The following TMEM132C variants were observed in gnomAD, a reference collection of about 807,000 sequenced individuals.
TMEM132C encodes transmembrane protein 132C, also known as protein phosphatase 1, regulatory subunit 152.
TMEM132C carries 29 observed loss-of-function variants against 61.4 expected under a neutral mutation model. The observed-to-expected ratio is 0.47, with a 90% CI of 0.35 to 0.64. TMEM132C has a LOEUF of 0.64. Ranked by LOEUF, TMEM132C falls within the 30% of genes least tolerant of loss-of-function variation. The probability of loss-of-function intolerance (pLI) is 0.00; values close to 1 mark genes in which losing one functional copy is unlikely to be tolerated. For synonymous variants in TMEM132C, 656 were observed against 633.1 expected, an observed-to-expected ratio of 1.04 and a Z score of -0.54; for missense variants, 1,408 against 1,476.9, an observed-to-expected ratio of 0.95 and a Z score of 0.76.
chr12:128,628,307 G>T (rs776898701), intron 4 of TMEM132C, among the ~76,000 whole-genome samples: 1 of 152,092 alleles, frequency 6.6e-6, no homozygotes, highest in East Asian at 1.9e-4. Context: ...TCTGGTCCAC[G>T]GCGGCACGCT....
At chr12:128,275,447 C>A (rs1566038684) in intron 1 of TMEM132C, among the ~76,000 whole-genome samples, 1 of 152,122 alleles carries the variant, frequency 6.6e-6, no homozygotes, top group Non-Finnish European at 1.5e-5. Context: ...CACCACTAGC[C>A]CCCAAGATGG....
chr12:128,329,135 T>C (rs1045714303), intron 1 of TMEM132C, among the ~76,000 whole-genome samples: 16 of 152,206 alleles, frequency 1.1e-4, no homozygotes, highest in Non-Finnish European at 2.2e-4. Flanking sequence ...AAGGTTTTGG[T>C]AACCCGGGGA....
intron 3 of TMEM132C, among the ~76,000 whole-genome samples, chr12:128,572,781 C>G (rs532942255): frequency 6.6e-6 from 1 of 152,300 alleles, no homozygotes; most frequent in South Asian, 2.1e-4. Flanking sequence ...CTGCTGGCCT[C>G]CGATTGGCCA....
At chr12:128,616,050 T>G in intron 3 of TMEM132C, 102 bp from the exon 4 acceptor site, 57 of 1,375,676 alleles carry the variant, frequency 4.1e-5, no homozygotes, top group Non-Finnish European at 4.7e-5. Flanking sequence ...GAGCCATCCC[T>G]GAGATGTGTT....
chr12:128,578,331 T>C lies in TMEM132C; in HGVS notation c.1121+34228T>C, dbSNP rs1875198102. Among the ~76,000 whole-genome samples the C allele has an allele frequency of 2.0e-5, 3 of 152,204 alleles. No homozygotes were observed. In the South Asian group the frequency reaches 6.2e-4, roughly 31 times the overall value. On this transcript the variant is annotated intron_variant, in intron 3 of 8. Coordinates refer to ENST00000435159, the MANE Select transcript of TMEM132C (RefSeq NM_001136103.3). ...CACCTCCCACACTGGTCGCAGCCTG[T>C]ATGTCAACATGGATTCTCAATTCCT... is the stretch of plus-strand genomic sequence containing the variant.
intron 2 of TMEM132C, among the ~76,000 whole-genome samples, chr12:128,452,476 C>T (rs559812970): frequency 1.1e-4 from 16 of 151,364 alleles, no homozygotes; most frequent in African/African-American, 3.4e-4. Context: ...TCCCAACACT[C>T]TGGGAGGCCG....
chr12:128,454,282 A>G (rs1870272305), intron 2 of TMEM132C, among the ~76,000 whole-genome samples: 1 of 152,188 alleles, frequency 6.6e-6, no homozygotes, highest in African/African-American at 2.4e-5. Flanking sequence ...TAATGCTCTG[A>G]ATTTTTCAAA....
chr12:128,455,535 T>C (rs572952953), intron 2 of TMEM132C, among the ~76,000 whole-genome samples: 1 of 152,342 alleles, frequency 6.6e-6, no homozygotes, highest in South Asian at 2.1e-4. Context: ...CCCACTGAGA[T>C]ATGTATGTGA....
At chr12:128,442,823 T>C (rs564253362) in intron 2 of TMEM132C, among the ~76,000 whole-genome samples, 67 of 152,356 alleles carry the variant, frequency 4.4e-4, no homozygotes, top group Non-Finnish European at 9.0e-4. Context: ...ACTAATAGTT[T>C]CAGAACATTT....
intron 2 of TMEM132C, among the ~76,000 whole-genome samples, chr12:128,440,359 G>A (rs1869742870): frequency 6.6e-6 from 1 of 152,130 alleles, no homozygotes; most frequent in African/African-American, 2.4e-5. Context: ...AATGAATGTA[G>A]AAAAAAATGG....
chr12:128,340,263 C>T (rs1872913905), intron 1 of TMEM132C, among the ~76,000 whole-genome samples: 1 of 152,166 alleles, frequency 6.6e-6, no homozygotes, highest in Non-Finnish European at 1.5e-5. Context: ...CCCTGTCTAA[C>T]ATTAACACCT....
intron 1 of TMEM132C, among the ~76,000 whole-genome samples, chr12:128,360,188 A>G (rs1873653276): frequency 6.6e-6 from 1 of 152,030 alleles, no homozygotes; most frequent in Non-Finnish European, 1.5e-5. Flanking sequence ...AGTCTAATAG[A>G]AGAATCAAAT....
At position 128,396,064 on chromosome 12, in the gene TMEM132C, G is replaced by C. The variant is rs149559343; in HGVS notation, c.86-18668G>C. ...GTGGTACAGAAAGATACATGGATGC[G>C]GGGTCCTTAGTGAGTTCATGGAGCC... On this transcript the variant is annotated intron_variant, in intron 1 of 8. Transcript: ENST00000435159. 3.9e-5 allele frequency among the ~76,000 whole-genome samples: 6 copies of C among 152,284 alleles called. No homozygotes were observed. In the East Asian group the frequency reaches 1.2e-3, roughly 29 times the overall value.
intron 5 of TMEM132C, among the ~76,000 whole-genome samples, chr12:128,691,676 C>T (rs1386498542): frequency 1.3e-5 from 2 of 152,230 alleles, no homozygotes; most frequent in Admixed American, 1.3e-4. Flanking sequence ...CCCATCCATT[C>T]ATGTGTCTGT....
chr12:128,636,516 T>A (rs1191503311), intron 4 of TMEM132C, among the ~76,000 whole-genome samples: 1 of 152,154 alleles, frequency 6.6e-6, no homozygotes, highest in Non-Finnish European at 1.5e-5. Flanking sequence ...CAAAGTTTAC[T>A]TATGTCCTTT....
At chr12:128,295,138 T>A (rs950776022) in intron 1 of TMEM132C, among the ~76,000 whole-genome samples, 3 of 152,152 alleles carry the variant, frequency 2.0e-5, no homozygotes, top group African/African-American at 7.2e-5. Context: ...GCCCCAAGGT[T>A]CTTTGAAATT....
intron 4 of TMEM132C, among the ~76,000 whole-genome samples, chr12:128,665,621 G>GCGCGCA (rs1555241551): frequency 9.2e-5 from 11 of 120,186 alleles, no homozygotes; most frequent in Admixed American, 2.5e-4. Context: ...CCAAACACAG[G>GCGCGCA]CACACACACA....
chr12:128,513,157 T>A (rs1872618913), intron 2 of TMEM132C, among the ~76,000 whole-genome samples: 1 of 151,982 alleles, frequency 6.6e-6, no homozygotes, highest in South Asian at 2.1e-4. Flanking sequence ...GGAGGGGACA[T>A]GATACAGAGA....
chr12:128,346,744 G>C (rs557652026), intron 1 of TMEM132C, among the ~76,000 whole-genome samples: 5 of 152,106 alleles, frequency 3.3e-5, no homozygotes, highest in Non-Finnish European at 7.4e-5. Flanking sequence ...TTTCCACATT[G>C]ATGATTTCCC....
Sources: allele counts gnomAD v4.1 joint callset (sites outside exome capture counted in the v4.1 genomes callset), GRCh38; gene constraint gnomAD v4.1.1; transcripts MANE v1.5; gene names NCBI Gene and HGNC (gene_info 2026-07-23, HGNC 2026-07-21).